The following TEX9 variants were observed in gnomAD, a reference collection of about 807,000 sequenced individuals.
TEX9 encodes testis-expressed protein 9.
A neutral mutation model predicts 59.6 loss-of-function variants in TEX9; 74 were observed. The observed-to-expected ratio is 1.24, with a 90% CI of 1.03 to 1.51. The LOEUF (loss-of-function observed/expected upper bound fraction) is 1.51. TEX9 is among the 40% of genes most tolerant of loss of function. TEX9 has a pLI of 0.00. For missense variants in TEX9, 522 were observed against 447.8 expected (o/e 1.17, Z -1.49); for synonymous variants, 186 against 152.2 (o/e 1.22, Z -1.64).
At chr15:56,245,223 C>A (rs1422563043) in intron 1 of TEX9, among the ~76,000 whole-genome samples, 1 of 152,168 alleles carries the variant, frequency 6.6e-6, no homozygotes, top group African/African-American at 2.4e-5. Flanking sequence ...AACCCTCTTG[C>A]TTTTGTCCAC....
chr15:56,314,560 T>G (rs2045707973), intron 1 of TEX9, among the ~76,000 whole-genome samples: 1 of 151,032 alleles, frequency 6.6e-6, no homozygotes, highest in African/African-American at 2.4e-5. Flanking sequence ...GAGGAGAGCT[T>G]TACTTCCAAC....
chr15:56,427,840 A>G, intron 11 of TEX9, 101 bp downstream of exon 11: 1 of 868,164 alleles, frequency 1.2e-6, no homozygotes, highest in Non-Finnish European at 1.7e-6. Flanking sequence ...ATCTTTACGC[A>G]CTGAACTTCA....
At chr15:56,267,256 A>C (rs1236244728) in intron 1 of TEX9, among the ~76,000 whole-genome samples, 1 of 151,950 alleles carries the variant, frequency 6.6e-6, no homozygotes, top group Admixed American at 6.6e-5. Context: ...GATTGCAAAA[A>C]TTTTCTCCCA....
intron 9 of TEX9, among the ~76,000 whole-genome samples, chr15:56,409,468 T>A (rs1011639108): frequency 6.6e-6 from 1 of 152,154 alleles, no homozygotes; most frequent in Non-Finnish European, 1.5e-5. Flanking sequence ...ATTGTTCTTA[T>A]TATCTGGAAT....
In TEX9 at chr15:56,444,648, G is replaced by C; in HGVS notation, c.*30-1023G>C. The C allele has an allele frequency of 6.2e-7, 1 of 1,608,250 alleles. No individual in the cohort carries two copies. The highest frequency in any genetic ancestry group is 8.5e-7 in the Non-Finnish European group (1 of 1,178,402). ...TATTCTCTTGTGTTCTTCCATCATGGTTTTGGCTATTTCAGCATCACGTTT... is the reference window on the plus strand; with the variant it reads ...TATTCTCTTGTGTTCTTCCATCATGCTTTTGGCTATTTCAGCATCACGTTT... On this transcript the variant is annotated intron_variant, in intron 12 of 12. Transcript: ENST00000352903.
intron 1 of TEX9, among the ~76,000 whole-genome samples, chr15:56,329,307 G>A (rs1237459075): frequency 6.6e-6 from 1 of 152,160 alleles, no homozygotes; most frequent in East Asian, 1.9e-4. Flanking sequence ...TTCCTAAGAA[G>A]TATGGATAAA....
chr15:56,265,700 A>G (rs908644962), intron 1 of TEX9, among the ~76,000 whole-genome samples: 1 of 152,090 alleles, frequency 6.6e-6, no homozygotes, highest in African/African-American at 2.4e-5. Flanking sequence ...TAATTCTGTT[A>G]TACTTCATAT....
chr15:56,436,948 G>C (rs1469602179), intron 12 of TEX9, among the ~76,000 whole-genome samples: 3 of 152,100 alleles, frequency 2.0e-5, no homozygotes, highest in South Asian at 2.1e-4. Context: ...CTCTGAAATT[G>C]AGGCAATAAT....
intron 1 of TEX9, among the ~76,000 whole-genome samples, chr15:56,326,492 G>A (rs1316138180): frequency 6.6e-6 from 1 of 152,004 alleles, no homozygotes; most frequent in Non-Finnish European, 1.5e-5. Flanking sequence ...AATAATCTGA[G>A]TTATTTTTAG....
At chr15:56,352,500 G>A (rs373504429) in intron 1 of TEX9, among the ~76,000 whole-genome samples, 2 of 151,744 alleles carry the variant, frequency 1.3e-5, no homozygotes, top group African/African-American at 2.4e-5. Flanking sequence ...CGATCCGCTC[G>A]TCTTGGCCTC....
intron 1 of TEX9, among the ~76,000 whole-genome samples, chr15:56,321,317 AAG>A: frequency 6.6e-6 from 1 of 152,208 alleles, no homozygotes; most frequent in East Asian, 1.9e-4. Flanking sequence ...TACTCAGGTT[AAG>A]AAGCAACTGG....
At chr15:56,341,329 CCTT>C (rs1388394434) in intron 1 of TEX9, among the ~76,000 whole-genome samples, 2 of 152,154 alleles carry the variant, frequency 1.3e-5, no homozygotes, top group African/African-American at 4.8e-5. Context: ...CAGTGCATCT[CCTT>C]CTAGTAGATC....
chr15:56,417,734 A>G (rs1323476963), intron 10 of TEX9, among the ~76,000 whole-genome samples: 1 of 151,808 alleles, frequency 6.6e-6, no homozygotes, highest in Non-Finnish European at 1.5e-5. Context: ...TAGGTTCCAG[A>G]TATCTTTGTT....
chr15:56,317,324 A>AC (rs1242158711), intron 1 of TEX9, among the ~76,000 whole-genome samples: 2 of 152,236 alleles, frequency 1.3e-5, no homozygotes, highest in African/African-American at 4.8e-5. Context: ...TCATTGGCAA[A>AC]CAATTATTCA....
At chr15:56,365,309 C>T (rs2046881821), upstream of TEX9, 4 of 1,171,146 alleles carry the variant, frequency 3.4e-6, no homozygotes, top group South Asian at 1.6e-5. Flanking sequence ...AGGCCGAGCC[C>T]GCTGCCAGAG....
At chr15:56,365,123 C>A (rs1273761964), upstream of TEX9, among the ~76,000 whole-genome samples, 1 of 152,330 alleles carries the variant, frequency 6.6e-6, no homozygotes, top group African/African-American at 2.4e-5. Context: ...TTGAAAAGCA[C>A]AACAGGGAGG....
chr15:56,437,275 GTGGGCTTCA>G (rs1228166695), intron 12 of TEX9, among the ~76,000 whole-genome samples: 1 of 152,172 alleles, frequency 6.6e-6, no homozygotes, highest in Admixed American at 6.5e-5. Flanking sequence ...CCATGATCAA[GTGGGCTTCA>G]TCCCTGGAAG....
intron 12 of TEX9, among the ~76,000 whole-genome samples, chr15:56,443,240 G>A (rs1240308622): frequency 6.6e-6 from 1 of 152,096 alleles, no homozygotes; most frequent in Non-Finnish European, 1.5e-5. Context: ...TTTATGGTAA[G>A]TTTATAAATT....
chr15:56,394,130 C>T, intron 7 of TEX9, 35 bp from the exon 8 acceptor site: 1 of 1,565,556 alleles, frequency 6.4e-7, no homozygotes, highest in Non-Finnish European at 8.7e-7. Context: ...TTAGATTCAG[C>T]AAAAGACAGT....
Sources: gnomAD v4.1 joint callset for allele counts (sites outside exome capture counted in the v4.1 genomes callset) on GRCh38, gnomAD v4.1.1 for gene constraint, MANE v1.5 for transcripts, NCBI Gene and HGNC (gene_info 2026-07-23, HGNC 2026-07-21) for gene names.